GFRA2: variants seen among roughly 807,000 people sequenced by gnomAD.
The protein encoded by GFRA2 is GDNF family receptor alpha-2.
Under a neutral mutation model 48.3 loss-of-function variants are expected in GFRA2, and 17 were observed. The ratio of observed to expected loss-of-function variants is 0.35; its 90% confidence interval spans 0.24 to 0.53. GFRA2 has a LOEUF of 0.53. Among genes scored for constraint, GFRA2 ranks in the 20% least tolerant of loss-of-function variants. The probability of loss-of-function intolerance (pLI) is 0.93; values close to 1 mark genes in which losing one functional copy is unlikely to be tolerated. For synonymous variants in GFRA2, 305 were observed against 257.2 expected, an observed-to-expected ratio of 1.19 and a Z score of -1.78; for missense variants, 660 against 637.3, an observed-to-expected ratio of 1.04 and a Z score of -0.38.
At chr8:21,811,448 G>T (rs181422996) in intron 1 of GFRA2, among the ~76,000 whole-genome samples, 24 of 152,264 alleles carry the variant, frequency 1.6e-4, no homozygotes, top group Non-Finnish European at 3.1e-4. Context: ...GTCCTTCCTA[G>T]AATTAAATCC....
At chr8:21,728,816 G>A (rs757620915) in intron 4 of GFRA2, among the ~76,000 whole-genome samples, 13 of 152,294 alleles carry the variant, frequency 8.5e-5, no homozygotes, top group Non-Finnish European at 1.5e-4. Context: ...GGTTATAAAG[G>A]GTACGTATGC....
At chr8:21,732,035 T>TGGGCCCTGAGTCGGGCC (rs1563234337) in intron 4 of GFRA2, among the ~76,000 whole-genome samples, 1 of 152,230 alleles carries the variant, frequency 6.6e-6, no homozygotes, top group East Asian at 1.9e-4. Context: ...CAAGTATTTA[T>TGGGCCCTGAGTCGGGCC]GGGCCCTGAG....
intron 8 of GFRA2, among the ~76,000 whole-genome samples, chr8:21,694,075 T>TATATATATATATATA (rs1563209422): frequency 2.4e-3 from 119 of 49,100 alleles, no homozygotes; most frequent in African/African-American, 0.011. Context: ...ATTTATTTAT[T>TATATATATATATATA]TTTATATATA....
intron 3 of GFRA2, among the ~76,000 whole-genome samples, chr8:21,759,540 A>G (rs865921667): frequency 3.0e-4 from 43 of 145,656 alleles, no homozygotes; most frequent in African/African-American, 9.4e-4. Context: ...GAAGGAAGGA[A>G]GGAGGGAAGG....
At chr8:21,709,915 C>T (rs755363503) in intron 4 of GFRA2, among the ~76,000 whole-genome samples, 1 of 152,202 alleles carries the variant, frequency 6.6e-6, no homozygotes, top group Non-Finnish European at 1.5e-5. Context: ...TGTTCCTTTG[C>T]CCTTTGGGAA....
chr8:21,701,469 G>A (rs1271058997), intron 7 of GFRA2, among the ~76,000 whole-genome samples: 1 of 152,194 alleles, frequency 6.6e-6, no homozygotes. Flanking sequence ...ATTTCTCTGA[G>A]AAGAAGCCTG....
upstream of GFRA2, among the ~76,000 whole-genome samples, chr8:21,789,435 G>A (rs899078065): frequency 2.0e-5 from 3 of 152,046 alleles, no homozygotes; most frequent in Non-Finnish European, 4.4e-5. Context: ...CGTGGGGCCC[G>A]AGCCATCCGG....
intron 4 of GFRA2, among the ~76,000 whole-genome samples, chr8:21,732,073 G>A (rs1372671734): frequency 2.6e-5 from 4 of 152,234 alleles, no homozygotes; most frequent in Non-Finnish European, 5.9e-5. Flanking sequence ...CCCAATGCAG[G>A]GGCGAGTGAA....
At chr8:21,778,362 G>A (rs1806812302) in intron 2 of GFRA2, among the ~76,000 whole-genome samples, 2 of 152,038 alleles carry the variant, frequency 1.3e-5, no homozygotes, top group Non-Finnish European at 2.9e-5. Flanking sequence ...ACTACCTCTG[G>A]GCTCCCAAGA....
chr8:21,796,406 C>T (rs1416745602), intron 2 of GFRA2, among the ~76,000 whole-genome samples: 6 of 152,348 alleles, frequency 3.9e-5, no homozygotes, highest in East Asian at 3.9e-4. Context: ...TGACGCCCCC[C>T]GCAGAGAGCT....
chr8:21,716,308 G>GGA (rs576665215), intron 4 of GFRA2, among the ~76,000 whole-genome samples: 2,272 of 144,160 alleles, frequency 0.016, 54 homozygotes, highest in East Asian at 0.07. Context: ...GGGAAACAAA[G>GGA]AAAAAAAAAA....
At position 21,807,184 on chromosome 8, in the gene GFRA2, C is replaced by A. The variant is rs77692054; in HGVS notation, c.-147-2056G>T. On this transcript the variant is annotated intron_variant, in intron 1 of 10. Coordinates refer to the GFRA2 transcript ENST00000517328. ...ATTGTCATTATAGTAGTATTCAGCA[C>A]TGAGATCATTGACAGCCCACATGAA... Among the ~76,000 whole-genome samples, 320 of 152,320 alleles carry A rather than the reference C, an allele frequency of 2.1e-3. 5 individuals carry two copies. In the East Asian group the frequency reaches 0.041, roughly 19 times the overall value.
chr8:21,789,033 G>A (rs1286961533), upstream of GFRA2, among the ~76,000 whole-genome samples: 2 of 33,536 alleles, frequency 6.0e-5, no homozygotes, highest in Non-Finnish European at 4.3e-5. Context: ...GGCTGGCGGC[G>A]CGGGGCGCGG....
At chr8:21,768,256 A>T (rs1806275224) in intron 3 of GFRA2, among the ~76,000 whole-genome samples, 1 of 152,214 alleles carries the variant, frequency 6.6e-6, no homozygotes, top group Non-Finnish European at 1.5e-5. Flanking sequence ...AGAGTCTCTG[A>T]CAGCTGTTAG....
chr8:21,792,649 C>T (rs1807595395), upstream of GFRA2, among the ~76,000 whole-genome samples: 4 of 152,158 alleles, frequency 2.6e-5, no homozygotes, highest in Non-Finnish European at 1.5e-5. Flanking sequence ...GGAGTGCAAT[C>T]AGAGAGGACT....
At chr8:21,706,988 C>A (rs1585234613) in intron 4 of GFRA2, among the ~76,000 whole-genome samples, 1 of 152,174 alleles carries the variant, frequency 6.6e-6, no homozygotes, top group East Asian at 1.9e-4. Flanking sequence ...GATGCTCCCC[C>A]TCTGCCATGT....
chr8:21,803,276 A>G (rs369329350), intron 2 of GFRA2, among the ~76,000 whole-genome samples: 3 of 152,204 alleles, frequency 2.0e-5, no homozygotes, highest in Admixed American at 6.5e-5. Context: ...GCCAGAATAC[A>G]TGTCACTTTC....
intron 4 of GFRA2, among the ~76,000 whole-genome samples, chr8:21,707,511 G>C (rs1052351273): frequency 2.0e-5 from 3 of 152,116 alleles, no homozygotes; most frequent in Admixed American, 6.5e-5. Flanking sequence ...TCGTTTCTCT[G>C]GAGGCCCCCG....
intron 4 of GFRA2, among the ~76,000 whole-genome samples, chr8:21,742,768 C>T (rs1034109875): frequency 2.0e-5 from 3 of 152,224 alleles, no homozygotes; most frequent in African/African-American, 7.2e-5. Flanking sequence ...TGGGTCACTC[C>T]TCCCCAACCA....
Sources: allele counts gnomAD v4.1 joint callset (sites outside exome capture counted in the v4.1 genomes callset), GRCh38; gene constraint gnomAD v4.1.1; transcripts MANE v1.5; gene names NCBI Gene and HGNC (gene_info 2026-07-23, HGNC 2026-07-21).